Variants in DUSP26 observed in about 807,000 individuals in gnomAD.
The protein encoded by DUSP26 is dual specificity protein phosphatase 26.
In DUSP26, 12 loss-of-function variants were observed where a neutral mutation model predicts 20.0. That is an observed-to-expected ratio of 0.60 (90% CI 0.38 to 0.97). The LOEUF is 0.97. Ranked by LOEUF, DUSP26 falls within the 50% of genes least tolerant of loss-of-function variation. The pLI is 0.00. For missense variants in DUSP26, 230 were observed against 294.0 expected, an observed-to-expected ratio of 0.78 and a Z score of 1.59; for synonymous variants, 120 against 118.8, an observed-to-expected ratio of 1.01 and a Z score of -0.06.
At position 33,597,506 on chromosome 8, in the gene DUSP26, C is replaced by A. The variant is rs1202635598; in HGVS notation, c.10G>T (p.Gly4Cys). The change falls in exon 2 of 4, where the codon GGT becomes TGT. Residue 4 changes from glycine (G) to cysteine (C), a missense_variant. Transcript: ENST00000256261. MCP[G>C]NWLWASMTFM... ...GTCATAGAAGCCCAAAGCCAGTTAC[C>A]AGGGCACATCTTAGAGGTGGCAGAA... 13 of 1,610,770 alleles carry A rather than the reference C, an allele frequency of 8.1e-6. No homozygotes were observed. The highest frequency in any genetic ancestry group is 1.1e-5 in the Non-Finnish European group (13 of 1,178,514).
chr8:33,597,883 A>G, intron 1 of DUSP26: 1 of 47,674 alleles, frequency 2.1e-5, no homozygotes, highest in Non-Finnish European at 4.0e-5. Context: ...CAGCACGCAT[A>G]CACACACACA....
At chr8:33,594,044 T>C (rs1811086839) in intron 2 of DUSP26, among the ~76,000 whole-genome samples, 1 of 151,928 alleles carries the variant, frequency 6.6e-6, no homozygotes, top group African/African-American at 2.4e-5. Context: ...GGTCTTGAAC[T>C]CCTGACCTCA....
intron 1 of DUSP26, among the ~76,000 whole-genome samples, chr8:33,599,447 C>G (rs1422282566): frequency 6.6e-6 from 1 of 152,124 alleles, no homozygotes; most frequent in Admixed American, 6.5e-5. Context: ...CGCCTGCGGT[C>G]GCCTTTGTAA....
At chr8:33,593,841 G>T (rs1665112207) in intron 2 of DUSP26, 94 bp from the exon 3 acceptor site, 2 of 1,427,136 alleles carry the variant, frequency 1.4e-6, no homozygotes, top group Non-Finnish European at 1.9e-6. Flanking sequence ...GAATCCTATT[G>T]TTGATTTTTT....
intron 2 of DUSP26, among the ~76,000 whole-genome samples, chr8:33,594,054 A>T (rs1158120382): frequency 1.3e-5 from 2 of 151,798 alleles, no homozygotes; most frequent in Non-Finnish European, 2.9e-5. Context: ...TCCTGACCTC[A>T]AGTTATCCTC....
At chr8:33,599,027 G>A (rs1288188762) in intron 1 of DUSP26, among the ~76,000 whole-genome samples, 2 of 152,132 alleles carry the variant, frequency 1.3e-5, no homozygotes, top group Non-Finnish European at 2.9e-5. Context: ...ACCAGGATTG[G>A]TGAGGGAAGA....
intron 1 of DUSP26, among the ~76,000 whole-genome samples, chr8:33,598,754 TC>T (rs1038286370): frequency 6.6e-6 from 1 of 151,964 alleles, no homozygotes; most frequent in Admixed American, 6.6e-5. Flanking sequence ...CAAGGCCCCT[TC>T]CCCCTCCCTC....
intron 3 of DUSP26, among the ~76,000 whole-genome samples, chr8:33,593,204 G>A (rs34253404): frequency 0.023 from 3,497 of 152,092 alleles, 59 homozygotes; most frequent in African/African-American, 0.043. Flanking sequence ...CCTGGGAGGC[G>A]GAGGTTACAG....
chr8:33,597,656 G>T, intron 1 of DUSP26, 65 bp from the exon 2 acceptor site: 1 of 685,980 alleles, frequency 1.5e-6, no homozygotes, highest in Non-Finnish European at 2.4e-6. Flanking sequence ...CCTTCCCTGG[G>T]CTGGTCCTTC....
At chr8:33,597,764 C>G (rs1811183051) in intron 1 of DUSP26, 173 bp from the exon 2 acceptor site, 1 of 450,362 alleles carries the variant, frequency 2.2e-6, no homozygotes, top group African/African-American at 2.0e-5. Context: ...TTTTGCTCAG[C>G]TCTTTGGCTC....
chr8:33,596,215 C>T (rs929189241), intron 2 of DUSP26, among the ~76,000 whole-genome samples: 20 of 151,132 alleles, frequency 1.3e-4, no homozygotes, highest in South Asian at 2.1e-4. Flanking sequence ...ACCCGGGAGG[C>T]GGAGTTTGCT....
intron 2 of DUSP26, among the ~76,000 whole-genome samples, chr8:33,596,192 G>A (rs1456854787): frequency 6.6e-6 from 1 of 152,186 alleles, no homozygotes; most frequent in Non-Finnish European, 1.5e-5. Context: ...GCAGAGGCAG[G>A]AGAATTGCTT....
rs193214209 is a variant in DUSP26 at position 33,597,330 on chromosome 8, G to A, written c.186C>T (p.Ala62=). 1.0e-4 allele frequency: 164 copies of A among 1,613,608 alleles called. No individual in the cohort carries two copies. Among genetic ancestry groups the A allele is most frequent in the Non-Finnish European group, 1.3e-4 (158 of 1,179,936 alleles). Residue 62 remains alanine, a synonymous_variant, in exon 2 of 4, where the codon GCC becomes GCT. Transcript: ENST00000256261. ...LYTGKTACNH[A]DEVWPGLYLG... ...GATAGAGGCCTGGCCAGACCTCGTC[G>A]GCATGGTTACAGGCTGTCTTGCCTG...
chr8:33,592,009 C>G lies in DUSP26; in HGVS notation c.*4G>C. 1 of 1,613,098 alleles carries G rather than the reference C, an allele frequency of 6.2e-7. No homozygotes were observed. The highest frequency in any genetic ancestry group is 8.5e-7 in the Non-Finnish European group (1 of 1,179,992). On this transcript the variant is annotated 3_prime_UTR_variant, in exon 4 of 4. Transcript: ENST00000256261. ...GGCCTGGCCTGACCTCTCTCCCCCTCCCCTCATGCTTCCAGACCCTGCCGC... is the reference window on the plus strand; with the variant it reads ...GGCCTGGCCTGACCTCTCTCCCCCTGCCCTCATGCTTCCAGACCCTGCCGC...
intron 3 of DUSP26, 99 bp from the exon 4 acceptor site, chr8:33,592,311 C>T (rs972574330): frequency 1.3e-5 from 16 of 1,229,304 alleles, no homozygotes; most frequent in Admixed American, 8.4e-5. Flanking sequence ...TGGCTCACGG[C>T]GGTAATTCCA....
At chr8:33,595,551 T>C (rs1811123267) in intron 2 of DUSP26, among the ~76,000 whole-genome samples, 1 of 152,024 alleles carries the variant, frequency 6.6e-6, no homozygotes, top group Non-Finnish European at 1.5e-5. Flanking sequence ...AGGCTAATAT[T>C]TGTATTTTTA....
At chr8:33,596,943 G>A (rs922392678) in intron 2 of DUSP26, among the ~76,000 whole-genome samples, 4 of 152,176 alleles carry the variant, frequency 2.6e-5, no homozygotes, top group African/African-American at 7.2e-5. Flanking sequence ...GTCCAGACTT[G>A]GGTATTTTTA....
At chr8:33,593,834 T>C in intron 2 of DUSP26, 87 bp from the exon 3 acceptor site, 1 of 1,471,302 alleles carries the variant, frequency 6.8e-7, no homozygotes, top group Non-Finnish European at 9.3e-7. Flanking sequence ...ACTTCCTGAA[T>C]CCTATTGTTG....
intron 3 of DUSP26, among the ~76,000 whole-genome samples, chr8:33,592,767 G>A (rs1409979788): frequency 6.6e-6 from 1 of 152,162 alleles, no homozygotes; most frequent in Non-Finnish European, 1.5e-5. Context: ...ACTGATGTAA[G>A]AGCCAGCTTT....
Sources: allele counts gnomAD v4.1 joint callset (sites outside exome capture counted in the v4.1 genomes callset), GRCh38; gene constraint gnomAD v4.1.1; transcripts MANE v1.5; gene names NCBI Gene and HGNC (gene_info 2026-07-23, HGNC 2026-07-21).